SMAP2: variants seen among roughly 807,000 people sequenced by gnomAD.
The protein encoded by SMAP2 is small ArfGAP2.
A neutral mutation model predicts 56.4 loss-of-function variants in SMAP2; 25 were observed. The observed-to-expected ratio is 0.44, with a 90% CI of 0.32 to 0.62. The LOEUF is 0.62. Among genes scored for constraint, SMAP2 ranks in the 20% least tolerant of loss-of-function variants. The probability of loss-of-function intolerance (pLI) is 0.04; values close to 1 mark genes in which losing one functional copy is unlikely to be tolerated. For synonymous variants in SMAP2, 157 were observed against 181.7 expected, an observed-to-expected ratio of 0.86 and a Z score of 1.09; for missense variants, 388 against 545.6, an observed-to-expected ratio of 0.71 and a Z score of 2.88.
At chr1:40,410,288 G>T (rs1415605873) in intron 4 of SMAP2, among the ~76,000 whole-genome samples, 1 of 151,966 alleles carries the variant, frequency 6.6e-6, no homozygotes, top group Admixed American at 6.6e-5. Flanking sequence ...CAGTTACTGA[G>T]TCAAGACCAT....
intron 1 of SMAP2, among the ~76,000 whole-genome samples, chr1:40,388,879 C>T (rs941909258): frequency 3.9e-5 from 6 of 152,194 alleles, no homozygotes; most frequent in Non-Finnish European, 8.8e-5. Context: ...CAGCTTCACT[C>T]CTGAAGCCAG....
chr1:40,351,586 C>A (rs956204085), intron 1 of SMAP2, among the ~76,000 whole-genome samples: 2 of 152,158 alleles, frequency 1.3e-5, no homozygotes, highest in Non-Finnish European at 2.9e-5. Context: ...CTCACTGCAA[C>A]CTCTGCCTCC....
intron 1 of SMAP2, among the ~76,000 whole-genome samples, chr1:40,393,833 C>T (rs771197637): frequency 6.6e-5 from 10 of 152,234 alleles, no homozygotes; most frequent in Non-Finnish European, 8.8e-5. Context: ...GCGTGAGGCA[C>T]CGCGCCCGGC....
At chr1:40,356,632 G>A (rs188927060) in intron 1 of SMAP2, among the ~76,000 whole-genome samples, 14 of 152,140 alleles carry the variant, frequency 9.2e-5, no homozygotes, top group Admixed American at 7.9e-4. Flanking sequence ...GGATGGTTTC[G>A]ATCTCCTAAC....
intron 9 of SMAP2, among the ~76,000 whole-genome samples, chr1:40,418,319 A>G (rs2124379330): frequency 6.6e-6 from 1 of 152,324 alleles, no homozygotes; most frequent in South Asian, 2.1e-4. Context: ...GCATTGAGGA[A>G]AGGCATGAAA....
Position 40,417,030 on chromosome 1 carries a change from G to T in SMAP2, c.1098G>T (p.Met366Ile). 1.2e-6 allele frequency: 2 copies of T among 1,614,100 alleles called. No individual in the cohort carries two copies. Among genetic ancestry groups the T allele is most frequent in the Non-Finnish European group, 1.7e-6 (2 of 1,179,998 alleles). ...AGCAGGCTGGCTACATGGCAGGCAT[G>T]GCAGCTATGCCCCAGACTGTGTATG... ...TTQQAGYMAG[M>I]AAMPQTVYGV... Residue 366 changes from methionine to isoleucine, a missense_variant, in exon 9 of 10, where the codon ATG becomes ATT. Physicochemically the swap from Met to Ile is conservative, Grantham distance 10. Coordinates refer to ENST00000372718, the MANE Select transcript of SMAP2 (RefSeq NM_022733.3).
intron 1 of SMAP2, among the ~76,000 whole-genome samples, chr1:40,351,553 G>A (rs2124158402): frequency 6.6e-6 from 1 of 152,188 alleles, no homozygotes; most frequent in South Asian, 2.1e-4. Context: ...TGTCCAGGCT[G>A]GAGTGCGATG....
intron 1 of SMAP2, among the ~76,000 whole-genome samples, chr1:40,381,787 A>G (rs1300678575): frequency 2.0e-5 from 3 of 152,336 alleles, no homozygotes; most frequent in Non-Finnish European, 2.9e-5. Flanking sequence ...TATTGCAGGC[A>G]TGAAACGCTT....
In SMAP2 at chr1:40,408,818, A is replaced by G; in HGVS notation, c.323+80A>G. On this transcript the variant is annotated intron_variant, in intron 3 of 9. Coordinates refer to ENST00000372718, the MANE Select transcript of SMAP2 (RefSeq NM_022733.3). The surrounding 1 kb of genome is among the most constrained non-coding windows in gnomAD (Gnocchi z 4.3). The stretch of plus-strand genomic sequence containing the variant: ...AGTCAGACAAGACTCCAGTCCTGTA[A>G]TGTGACTGGGTCATCTCTATGTGGA... The G allele has an allele frequency of 1.8e-6, 2 of 1,102,634 alleles. No homozygotes were observed. Among genetic ancestry groups the G allele is most frequent in the Non-Finnish European group, 2.8e-6 (2 of 721,074 alleles). The allele number at this position is 1,102,634 out of a possible 1,614,324, so 68.3% of individuals were successfully genotyped here.
At chr1:40,364,691 C>T (rs1644474309) in intron 2 of SMAP2, 1 of 150,726 alleles carries the variant, frequency 6.6e-6, no homozygotes, top group African/African-American at 2.5e-5. Flanking sequence ...TTGCAGTGAG[C>T]TATGTTCGAG....
intron 1 of SMAP2, among the ~76,000 whole-genome samples, chr1:40,399,310 A>ATTTTTTTTTTTTTT (rs747127620): frequency 4.7e-3 from 428 of 91,906 alleles, no homozygotes; most frequent in East Asian, 0.015. Flanking sequence ...ACGTGTGGCT[A>ATTTTTTTTTTTTTT]TTTTTTTTTT....
At chr1:40,379,607 T>A (rs1256774001) in intron 1 of SMAP2, among the ~76,000 whole-genome samples, 1 of 141,236 alleles carries the variant, frequency 7.1e-6, no homozygotes, top group Non-Finnish European at 1.5e-5. Flanking sequence ...TGTACAGTGG[T>A]GCAGTCTTGG....
intron 1 of SMAP2, chr1:40,393,496 T>C (rs563566000): frequency 6.5e-7 from 1 of 1,534,828 alleles, no homozygotes; most frequent in South Asian, 1.2e-5. Context: ...AAGCTATTTG[T>C]GAGAGACTGT....
At position 40,417,030 on chromosome 1, in the gene SMAP2, G is replaced by A. The variant is rs755812120; in HGVS notation, c.1098G>A (p.Met366Ile). 1 of 1,614,100 alleles carries A rather than the reference G, an allele frequency of 6.2e-7. No individual in the cohort carries two copies. The highest frequency in any genetic ancestry group is 1.1e-5 in the South Asian group (1 of 91,080). The stretch of plus-strand genomic sequence containing the variant: ...AGCAGGCTGGCTACATGGCAGGCAT[G>A]GCAGCTATGCCCCAGACTGTGTATG... ...TTQQAGYMAGMAAMPQTVYGV... is the reference protein window; with the variant it reads ...TTQQAGYMAGIAAMPQTVYGV... Residue 366 changes from methionine to isoleucine, a missense_variant, in exon 9 of 10, where the codon ATG (methionine) becomes ATA (isoleucine). Transcript: ENST00000372718.
chr1:40,372,190 A>G (rs1644500534), upstream of SMAP2, among the ~76,000 whole-genome samples: 1 of 152,202 alleles, frequency 6.6e-6, no homozygotes, highest in Non-Finnish European at 1.5e-5. Context: ...CTAAGGCAGG[A>G]AGGCTATTTG....
chr1:40,374,735 G>C lies in SMAP2; in HGVS notation c.103+512G>C. On this transcript the variant is annotated intron_variant, in intron 1 of 9. Transcript: ENST00000372718. This position sits in a 1 kb window ranked among gnomAD's most constrained non-coding sequence, Gnocchi z 5.9. ...TGGTGATTTTTGCTTCCTGCTATTT[G>C]GTTAGCAACTCCTGTCATTTTGCAG... The C allele has an allele frequency of 6.4e-7, 1 of 1,550,454 alleles. No homozygotes were observed. Among genetic ancestry groups the C allele is most frequent in the Admixed American group, 2.0e-5 (1 of 50,994 alleles).
chr1:40,412,158 G>A (rs1348124063), intron 4 of SMAP2, among the ~76,000 whole-genome samples: 1 of 152,070 alleles, frequency 6.6e-6, no homozygotes, highest in African/African-American at 2.4e-5. Flanking sequence ...TGAACTTGGT[G>A]CATTTAACCT....
chr1:40,402,476 A>G lies in SMAP2; in HGVS notation c.104-4260A>G, dbSNP rs951705989. On this transcript the variant is annotated intron_variant, in intron 1 of 9. Coordinates refer to ENST00000372718, the MANE Select transcript of SMAP2 (RefSeq NM_022733.3). Reference sequence around the variant, plus strand: ...GTATTTTTGTTTTTTTTTTGAGACAAGGTCTCGCTGTCATCTAGGCTGGAG... The same window carrying G: ...GTATTTTTGTTTTTTTTTTGAGACAGGGTCTCGCTGTCATCTAGGCTGGAG... Among the ~76,000 whole-genome samples the G allele has an allele frequency of 9.2e-5, 14 of 152,002 alleles. 1 individual carries two copies. Among genetic ancestry groups the G allele is most frequent in the East Asian group, 5.8e-4 (3 of 5,166 alleles).
intron 1 of SMAP2, among the ~76,000 whole-genome samples, chr1:40,397,734 T>C (rs754312926): frequency 1.4e-4 from 21 of 152,236 alleles, no homozygotes; most frequent in Non-Finnish European, 2.5e-4. Context: ...TGTAAGCAAC[T>C]CGAACAAGAT....
Sources: allele counts gnomAD v4.1 joint callset (sites outside exome capture counted in the v4.1 genomes callset), GRCh38; gene constraint gnomAD v4.1.1; non-coding constraint Gnocchi (gnomAD v3.1); transcripts MANE v1.5; gene names NCBI Gene and HGNC (gene_info 2026-07-23, HGNC 2026-07-21).